PDIA5: variants seen among roughly 807,000 people sequenced by gnomAD.
PDIA5 encodes the protein protein disulfide isomerase family A member 5, also known as protein disulfide-isomerase A5.
A neutral mutation model predicts 77.6 loss-of-function variants in PDIA5; 58 were observed. That is an observed-to-expected ratio of 0.75 (90% CI 0.61 to 0.93). The LOEUF (loss-of-function observed/expected upper bound fraction) is 0.93, where lower values mean the gene tolerates loss of function less well. PDIA5 is among the 40% of genes least tolerant of loss of function. The probability of loss-of-function intolerance (pLI) is 0.00; values close to 1 mark genes in which losing one functional copy is unlikely to be tolerated. For missense variants in PDIA5, 630 were observed against 647.7 expected (o/e 0.97, Z 0.30); for synonymous variants, 250 against 252.1 (o/e 0.99, Z 0.08).
At chr3:123,100,554 C>A (rs1301563025) in intron 3 of PDIA5, among the ~76,000 whole-genome samples, 1 of 152,164 alleles carries the variant, frequency 6.6e-6, no homozygotes, top group Non-Finnish European at 1.5e-5. Flanking sequence ...TTTGCCAGGC[C>A]CATGGCTGGA....
At position 123,116,213 on chromosome 3, in the gene PDIA5, T is replaced by C. The variant is rs1273491550; in HGVS notation, c.542-18T>C. The C allele has an allele frequency of 1.2e-6, 2 of 1,612,300 alleles. No individual in the cohort carries two copies. Among genetic ancestry groups the C allele is most frequent in the Admixed American group, 3.3e-5 (2 of 60,032 alleles). On this transcript the variant is annotated intron_variant, in intron 7 of 16. Transcript: ENST00000316218. ...CATCCCTGTAACCGGATGTGGTCTC[T>C]CTCCTGCCTGTGACCAGGGTGCAGC...
chr3:123,149,313 C>A (rs1325311236), intron 13 of PDIA5, among the ~76,000 whole-genome samples: 2 of 152,178 alleles, frequency 1.3e-5, no homozygotes, highest in Non-Finnish European at 2.9e-5. Flanking sequence ...TGGAGCCATG[C>A]AGAGGAATGA....
At chr3:123,160,339 GATGAGGAAAAGCTACCCAGC>G (rs1936130735) in intron 15 of PDIA5, among the ~76,000 whole-genome samples, 1 of 152,190 alleles carries the variant, frequency 6.6e-6, no homozygotes, top group Non-Finnish European at 1.5e-5. Context: ...AACAACAAAT[GATGAGGAAAAGCTACCCAGC>G]ATGTGGAATT....
chr3:123,080,691 A>G (rs1416999983), intron 1 of PDIA5, among the ~76,000 whole-genome samples: 1 of 152,206 alleles, frequency 6.6e-6, no homozygotes, highest in Non-Finnish European at 1.5e-5. Flanking sequence ...GAAATATCCC[A>G]GTTGGAACAG....
intron 1 of PDIA5, among the ~76,000 whole-genome samples, chr3:123,076,187 A>G (rs1933854334): frequency 1.3e-5 from 2 of 152,114 alleles, no homozygotes; most frequent in African/African-American, 4.8e-5. Context: ...TGCTCCAGGG[A>G]TGTCTGTGGG....
intron 10 of PDIA5, among the ~76,000 whole-genome samples, chr3:123,126,322 C>T (rs1190713484): frequency 6.6e-6 from 1 of 152,042 alleles, no homozygotes; most frequent in Non-Finnish European, 1.5e-5. Context: ...TACCCCATCC[C>T]CACTTCCTAC....
intron 8 of PDIA5, among the ~76,000 whole-genome samples, chr3:123,120,600 T>G (rs1175453276): frequency 2.6e-5 from 4 of 152,206 alleles, no homozygotes; most frequent in African/African-American, 9.7e-5. Flanking sequence ...TGTCCATAGC[T>G]TCAACAAAAC....
chr3:123,089,252 C>T lies in PDIA5; in HGVS notation c.127C>T (p.Leu43Phe). 1.2e-6 allele frequency: 2 copies of T among 1,614,144 alleles called. No homozygotes were observed. Among genetic ancestry groups the T allele is most frequent in the Non-Finnish European group, 1.7e-6 (2 of 1,179,942 alleles). Residue 43 changes from leucine (L) to phenylalanine (F), a missense_variant, in exon 2 of 17, where the codon CTC becomes TTC. Transcript: ENST00000316218. ...TGACCCCAAGGACTTGAAAAAACTGCTCAGAACCCGGAATAATGTACTGGT... is the reference window on the plus strand; with the variant it reads ...TGACCCCAAGGACTTGAAAAAACTGTTCAGAACCCGGAATAATGTACTGGT... Reference protein sequence around the residue: ...ISDPKDLKKLLRTRNNVLVLY... With the variant: ...ISDPKDLKKLFRTRNNVLVLY...
chr3:123,084,619 T>C (rs1934087803), intron 1 of PDIA5, among the ~76,000 whole-genome samples: 1 of 152,164 alleles, frequency 6.6e-6, no homozygotes, highest in South Asian at 2.1e-4. Flanking sequence ...CCTGAGCCTA[T>C]TATCATCTTC....
chr3:123,120,854 C>G (rs1048816705), intron 8 of PDIA5, among the ~76,000 whole-genome samples: 3 of 152,092 alleles, frequency 2.0e-5, no homozygotes, highest in South Asian at 2.1e-4. Flanking sequence ...CCTCATGCAC[C>G]CTTCATCCTC....
chr3:123,154,561 A>C (rs1334135434), intron 14 of PDIA5, among the ~76,000 whole-genome samples: 2 of 152,094 alleles, frequency 1.3e-5, no homozygotes, highest in African/African-American at 4.8e-5. Flanking sequence ...CCTCTCAGTC[A>C]GGAAATGGAG....
chr3:123,161,264 G>T, intron 15 of PDIA5, 57 bp from the exon 16 acceptor site: 1 of 1,561,158 alleles, frequency 6.4e-7, no homozygotes, highest in Non-Finnish European at 8.7e-7. Context: ...TGTGTTGTGG[G>T]GTCCAGGCCT....
At chr3:123,145,296 G>A (rs533742455) in intron 11 of PDIA5, 33 of 540,018 alleles carry the variant, frequency 6.1e-5, no homozygotes, top group Middle Eastern at 4.9e-4. Context: ...CCAGTTGCCC[G>A]TATTATTTAT....
chr3:123,159,879 G>A (rs917021185), intron 15 of PDIA5, among the ~76,000 whole-genome samples: 29 of 152,218 alleles, frequency 1.9e-4, no homozygotes, highest in African/African-American at 7.0e-4. Context: ...GACATGATGA[G>A]TAAACGTGGC....
intron 3 of PDIA5, among the ~76,000 whole-genome samples, chr3:123,100,234 G>A (rs572419459): frequency 3.3e-5 from 5 of 152,368 alleles, no homozygotes; most frequent in South Asian, 2.1e-4. Context: ...CACCTCGTTC[G>A]CAGTTGTTCT....
chr3:123,147,124 T>C (rs139456486), intron 13 of PDIA5, among the ~76,000 whole-genome samples: 3 of 152,292 alleles, frequency 2.0e-5, no homozygotes, highest in African/African-American at 7.2e-5. Context: ...TTTCTTACAA[T>C]TTTGGAGGCT....
chr3:123,098,258 T>C (rs1231620433), intron 3 of PDIA5, among the ~76,000 whole-genome samples: 2 of 152,144 alleles, frequency 1.3e-5, no homozygotes, highest in Non-Finnish European at 2.9e-5. Context: ...CAGAGCCAGA[T>C]GTTGAAGCTG....
intron 11 of PDIA5, among the ~76,000 whole-genome samples, chr3:123,131,212 G>C (rs753440012): frequency 6.6e-6 from 1 of 152,146 alleles, no homozygotes; most frequent in Non-Finnish European, 1.5e-5. Flanking sequence ...TGAGGCTGCA[G>C]TGAACTGTGA....
intron 1 of PDIA5, among the ~76,000 whole-genome samples, chr3:123,077,140 C>G (rs1446872752): frequency 6.6e-6 from 1 of 152,204 alleles, no homozygotes; most frequent in African/African-American, 2.4e-5. Context: ...TATGCCCCAA[C>G]TCTGGTGCTG....
Sources: allele counts gnomAD v4.1 joint callset (sites outside exome capture counted in the v4.1 genomes callset), GRCh38; gene constraint gnomAD v4.1.1; transcripts MANE v1.5; gene names NCBI Gene and HGNC (gene_info 2026-07-23, HGNC 2026-07-21).